Variants in SLC2A13 observed in about 807,000 individuals in gnomAD.
SLC2A13 encodes proton myo-inositol cotransporter.
In SLC2A13, 32 loss-of-function variants were observed where a neutral mutation model predicts 64.4. The ratio of observed to expected loss-of-function variants is 0.50; its 90% CI spans 0.37 to 0.67. SLC2A13 has a LOEUF of 0.67. SLC2A13 is among the 30% of genes least tolerant of loss of function. The pLI is 0.00. For missense variants in SLC2A13, 743 were observed against 829.2 expected (o/e 0.90, Z 1.28); for synonymous variants, 338 against 327.1 (o/e 1.03, Z -0.36).
intron 4 of SLC2A13, among the ~76,000 whole-genome samples, chr12:39,875,066 T>C (rs142267543): frequency 4.3e-4 from 65 of 152,294 alleles, no homozygotes; most frequent in African/African-American, 1.4e-3. Flanking sequence ...CTGGTAAATA[T>C]ATTAGTTTGT....
intron 7 of SLC2A13, among the ~76,000 whole-genome samples, chr12:39,773,481 C>T (rs1356770005): frequency 6.6e-6 from 1 of 152,170 alleles, no homozygotes; most frequent in Non-Finnish European, 1.5e-5. Context: ...CACTCAACAC[C>T]CACCAAACCT....
At chr12:39,798,015 G>C (rs1301904897) in intron 7 of SLC2A13, among the ~76,000 whole-genome samples, 1 of 152,174 alleles carries the variant, frequency 6.6e-6, no homozygotes, top group Non-Finnish European at 1.5e-5. Flanking sequence ...ATGATGAAGT[G>C]TGACTTCAGA....
chr12:39,978,690 G>T (rs28370740), intron 3 of SLC2A13, among the ~76,000 whole-genome samples: 3 of 152,070 alleles, frequency 2.0e-5, no homozygotes, highest in Admixed American at 1.3e-4. Context: ...GGAATCTCGC[G>T]GATTGCTAGC....
intron 4 of SLC2A13, among the ~76,000 whole-genome samples, chr12:39,894,585 C>T (rs1286046464): frequency 6.6e-6 from 1 of 152,144 alleles, no homozygotes; most frequent in Non-Finnish European, 1.5e-5. Context: ...ACAAGACAGA[C>T]TAAAATTTCT....
At chr12:40,047,957 A>T in intron 2 of SLC2A13, 94 bp downstream of exon 2, 1 of 1,188,556 alleles carries the variant, frequency 8.4e-7, no homozygotes, top group Non-Finnish European at 1.2e-6. Flanking sequence ...ATGATTCAAA[A>T]CACACAGCTA....
At chr12:40,081,487 T>C (rs1328375920) in intron 1 of SLC2A13, among the ~76,000 whole-genome samples, 1 of 152,252 alleles carries the variant, frequency 6.6e-6, no homozygotes, top group Non-Finnish European at 1.5e-5. Context: ...TCTGCTTTAA[T>C]ACTTCTGACT....
chr12:39,918,851 CAAA>C (rs10589116), intron 4 of SLC2A13, among the ~76,000 whole-genome samples: 37 of 123,850 alleles, frequency 3.0e-4, no homozygotes, highest in Non-Finnish European at 3.7e-4. Flanking sequence ...GACTCTGTCT[CAAA>C]AAAAAAAAAA....
intron 6 of SLC2A13, among the ~76,000 whole-genome samples, chr12:39,851,964 T>C (rs1050127677): frequency 2.6e-5 from 4 of 152,246 alleles, no homozygotes; most frequent in Admixed American, 6.5e-5. Flanking sequence ...CAATGTCTTA[T>C]ATATCTTTTA....
chr12:39,880,775 C>T (rs963842974), intron 4 of SLC2A13, among the ~76,000 whole-genome samples: 14 of 152,216 alleles, frequency 9.2e-5, no homozygotes, highest in East Asian at 1.9e-4. Flanking sequence ...ATACCTCTGG[C>T]GGCCTCAGGA....
chr12:39,915,535 C>A (rs1945507962), intron 4 of SLC2A13, among the ~76,000 whole-genome samples: 1 of 151,890 alleles, frequency 6.6e-6, no homozygotes. Context: ...GTATATAGAA[C>A]CCTTTGGAAA....
intron 4 of SLC2A13, among the ~76,000 whole-genome samples, chr12:39,946,896 G>A (rs1946144964): frequency 6.6e-6 from 1 of 152,112 alleles, no homozygotes; most frequent in African/African-American, 2.4e-5. Context: ...CATTCAAATT[G>A]TTACCAAGTT....
chr12:39,837,786 C>A (rs959031466), intron 6 of SLC2A13, among the ~76,000 whole-genome samples: 22 of 152,124 alleles, frequency 1.4e-4, no homozygotes, highest in African/African-American at 4.1e-4. Context: ...CAAAACCACT[C>A]TGAGATACCA....
chr12:39,872,681 A>G (rs796260659), intron 4 of SLC2A13, among the ~76,000 whole-genome samples: 18 of 152,350 alleles, frequency 1.2e-4, no homozygotes, highest in African/African-American at 4.1e-4. Context: ...TGGCACATTT[A>G]AGGATGACAA....
chr12:39,903,331 ATTTT>A (rs927486937), intron 4 of SLC2A13, among the ~76,000 whole-genome samples: 2 of 152,112 alleles, frequency 1.3e-5, no homozygotes. Flanking sequence ...TTCAGGAAGC[ATTTT>A]TCCAAAAGGT....
At chr12:39,875,297 C>T (rs1944154178) in intron 4 of SLC2A13, among the ~76,000 whole-genome samples, 1 of 152,244 alleles carries the variant, frequency 6.6e-6, no homozygotes, top group Non-Finnish European at 1.5e-5. Context: ...GCTGGTGGCC[C>T]CCTTCCTCAG....
chr12:39,805,098 C>A (rs1460905330), intron 7 of SLC2A13, among the ~76,000 whole-genome samples: 1 of 101,014 alleles, frequency 9.9e-6, no homozygotes, highest in Non-Finnish European at 2.1e-5. Context: ...TGAGGGTCAT[C>A]AGTGACGACA....
At chr12:40,027,700 G>C (rs561070701) in intron 3 of SLC2A13, among the ~76,000 whole-genome samples, 1 of 152,166 alleles carries the variant, frequency 6.6e-6, no homozygotes, top group Non-Finnish European at 1.5e-5. Flanking sequence ...AGACCAATTT[G>C]GGAAATGTGA....
intron 5 of SLC2A13, among the ~76,000 whole-genome samples, chr12:39,869,783 G>A (rs1479909291): frequency 6.6e-6 from 1 of 152,184 alleles, no homozygotes; most frequent in Non-Finnish European, 1.5e-5. Context: ...GACGATGGAG[G>A]CTGCTTTTGC....
intron 3 of SLC2A13, among the ~76,000 whole-genome samples, chr12:39,958,438 T>G (rs1946354793): frequency 6.6e-6 from 1 of 152,204 alleles, no homozygotes; most frequent in African/African-American, 2.4e-5. Flanking sequence ...ACTATCCATT[T>G]GAGGATTAGA....
Sources: allele counts gnomAD v4.1 joint callset (sites outside exome capture counted in the v4.1 genomes callset), GRCh38; gene constraint gnomAD v4.1.1; transcripts MANE v1.5; gene names NCBI Gene and HGNC (gene_info 2026-07-23, HGNC 2026-07-21).